The following FGD4 variants were observed in gnomAD, a reference collection of about 807,000 sequenced individuals.
FGD4 encodes the protein FYVE, RhoGEF and PH domain containing 4.
FGD4 carries 42 observed loss-of-function variants against 102.0 expected under a neutral mutation model. The ratio of observed to expected loss-of-function variants is 0.41; its 90% CI spans 0.32 to 0.53. The LOEUF (loss-of-function observed/expected upper bound fraction) is 0.53. Among genes scored for constraint, FGD4 ranks in the 20% least tolerant of loss-of-function variants. The pLI is 0.21. For missense variants in FGD4, 902 were observed against 1,078.2 expected (o/e 0.84, Z 2.29); for synonymous variants, 380 against 375.7 (o/e 1.01, Z -0.13).
intron 1 of FGD4, among the ~76,000 whole-genome samples, chr12:32,562,982 A>G (rs933316496): frequency 8.2e-5 from 12 of 145,606 alleles, no homozygotes; most frequent in Non-Finnish European, 1.7e-4. Flanking sequence ...ACATCCCAGT[A>G]GGGGCGGCCG....
rs17539848 is a variant in FGD4 at position 32,625,808 on chromosome 12, T to C, written c.2172+29T>C. 9.9e-6 allele frequency: 16 copies of C among 1,613,048 alleles called. No homozygotes were observed. The Admixed American group carries it at 2.7e-4, about 27-fold the overall frequency. ...AGTGAGATTTCTTGATCATTAAGGT[T>C]GCTAGTAACTATATAAGTGATGTAA... On this transcript the variant is annotated intron_variant, in intron 14 of 16. Transcript: ENST00000534526.
chr12:32,426,549 GTT>G (rs1166189369), intron 1 of FGD4, among the ~76,000 whole-genome samples: 1 of 151,966 alleles, frequency 6.6e-6, no homozygotes, highest in Admixed American at 6.6e-5. Flanking sequence ...TCTCTGCCAG[GTT>G]TTGGTGTCAG....
chr12:32,470,438 C>A (rs1943383784), intron 1 of FGD4, among the ~76,000 whole-genome samples: 1 of 150,468 alleles, frequency 6.6e-6, no homozygotes. Context: ...CTTCTGACTG[C>A]TTCGAAGTTT....
rs1468745272 is a variant in FGD4, at chr12:32,641,032, AAAC to A, written c.*502_*504del. 1 of 162,198 alleles carries A rather than the reference AAAC, an allele frequency of 6.2e-6. No homozygotes were observed. Among genetic ancestry groups the A allele is most frequent in the African/African-American group, 2.4e-5 (1 of 41,618 alleles). The allele number at this position is 162,198 out of a possible 1,614,324, so 10.0% of individuals were successfully genotyped here. On this transcript the variant is annotated 3_prime_UTR_variant, in exon 17 of 17. Coordinates refer to ENST00000534526, the MANE Select transcript of FGD4 (RefSeq NM_001370298.3). ...TGCATAAATGATGTCTGTTCTTTTA[AAAC>A]AAAAGAAAAAGGACAAATTGTTGGT...
chr12:32,636,849 G>C (rs1408271445), intron 15 of FGD4, among the ~76,000 whole-genome samples: 1 of 147,964 alleles, frequency 6.8e-6, no homozygotes, highest in East Asian at 2.0e-4. Context: ...AAATGGTTTT[G>C]TTCCTTTTTT....
chr12:32,443,789 C>G (rs951938713), intron 1 of FGD4, among the ~76,000 whole-genome samples: 1 of 148,680 alleles, frequency 6.7e-6, no homozygotes, highest in African/African-American at 2.5e-5. Flanking sequence ...AAAAAAAAAG[C>G]CAGAATGAAA....
intron 1 of FGD4, among the ~76,000 whole-genome samples, chr12:32,463,690 A>G (rs560778927): frequency 6.6e-6 from 1 of 152,286 alleles, no homozygotes; most frequent in African/African-American, 2.4e-5. Flanking sequence ...TTATTGGCAA[A>G]CCTGAGGTTG....
chr12:32,634,595 T>C (rs746371919), intron 15 of FGD4, among the ~76,000 whole-genome samples: 19 of 152,142 alleles, frequency 1.2e-4, no homozygotes, highest in Non-Finnish European at 1.9e-4. Flanking sequence ...AATAAGGCCT[T>C]TGTGGCAGTA....
At chr12:32,423,655 C>T (rs1013655171) in intron 1 of FGD4, among the ~76,000 whole-genome samples, 22 of 150,824 alleles carry the variant, frequency 1.5e-4, no homozygotes, top group African/African-American at 5.3e-4. Context: ...ACTCCATAGG[C>T]AGAGCAGCCC....
intron 10 of FGD4, 67 bp from the exon 11 acceptor site, chr12:32,619,631 C>T: frequency 6.5e-7 from 1 of 1,539,056 alleles, no homozygotes; most frequent in Middle Eastern, 1.7e-4. Flanking sequence ...GACTCTGTCT[C>T]AAAAAAAAAC....
intron 1 of FGD4, among the ~76,000 whole-genome samples, chr12:32,468,880 G>T (rs1197750139): frequency 6.6e-6 from 1 of 152,158 alleles, no homozygotes; most frequent in Non-Finnish European, 1.5e-5. Flanking sequence ...AGGCTGGAGT[G>T]CAATGGCACG....
chr12:32,619,940 G>T lies in FGD4; in HGVS notation c.1922+70G>T. The T allele has an allele frequency of 3.2e-6, 5 of 1,565,360 alleles. No individual in the cohort carries two copies. The South Asian group carries it at 5.6e-5, about 17-fold the overall frequency. On this transcript the variant is annotated intron_variant, in intron 11 of 16. Transcript: ENST00000534526. ...CAGAATGAATCATTAAAATAGAATG[G>T]CTCTGAGGGTTTTTCTCAAGTGAAT...
rs1941613128 is a variant in FGD4 at position 32,421,194 on chromosome 12, G to A, written c.166+21235G>A. 2.0e-5 allele frequency among the ~76,000 whole-genome samples: 3 copies of A among 152,206 alleles called. No individual in the cohort carries two copies. In the South Asian group the frequency reaches 6.2e-4, roughly 32 times the overall value. ...GGCTTTGCTATAGAGGAGATGGAATGCCAGATGTAACTCTTTCTGACCTGT... is the reference window on the plus strand; with the variant it reads ...GGCTTTGCTATAGAGGAGATGGAATACCAGATGTAACTCTTTCTGACCTGT... On this transcript the variant is annotated intron_variant, in intron 1 of 16. Transcript: ENST00000534526.
intron 1 of FGD4, among the ~76,000 whole-genome samples, chr12:32,424,276 G>A (rs1941753494): frequency 6.6e-6 from 1 of 151,064 alleles, no homozygotes; most frequent in Non-Finnish European, 1.5e-5. Context: ...GTGTCCATGT[G>A]TTCTCATTGT....
chr12:32,412,211 G>A (rs1489038458), intron 1 of FGD4, among the ~76,000 whole-genome samples: 1 of 152,162 alleles, frequency 6.6e-6, no homozygotes, highest in African/African-American at 2.4e-5. Context: ...CTTTGGAAAT[G>A]GAGTGATCCC....
At chr12:32,460,112 G>T (rs1943063467) in intron 1 of FGD4, among the ~76,000 whole-genome samples, 1 of 152,156 alleles carries the variant, frequency 6.6e-6, no homozygotes, top group African/African-American at 2.4e-5. Context: ...CTGTTATTAT[G>T]TATGAACTTT....
At chr12:32,592,988 T>C (rs1947604034) in intron 4 of FGD4, among the ~76,000 whole-genome samples, 1 of 152,196 alleles carries the variant, frequency 6.6e-6, no homozygotes. Flanking sequence ...TCTTGGGTTT[T>C]GTTGAAAGAA....
At position 32,422,288 on chromosome 12, in the gene FGD4, C is replaced by CTTTTTTTT. The variant is rs770560590; in HGVS notation, c.166+22350_166+22357dup. ...TTGAAGCATCTCAAATTGGGAGCTG[C>CTTTTTTTT]TTTTTTTTTTTTTTTTTTTTTTTTT... On this transcript the variant is annotated intron_variant, in intron 1 of 16. Transcript: ENST00000534526. 5.5e-3 allele frequency among the ~76,000 whole-genome samples: 300 copies of CTTTTTTTT among 54,172 alleles called. 59 individuals carry two copies. The highest frequency in any genetic ancestry group is 7.3e-3 in the Non-Finnish European group (222 of 30,242). 35.5% of individuals were successfully genotyped at this position (54,172 alleles called of 152,430 possible).
At chr12:32,415,536 C>T (rs1379402652) in intron 1 of FGD4, among the ~76,000 whole-genome samples, 1 of 151,406 alleles carries the variant, frequency 6.6e-6, no homozygotes, top group Non-Finnish European at 1.5e-5. Flanking sequence ...CATTCTCCTG[C>T]CTCAGCCTCC....
Sources: allele counts gnomAD v4.1 joint callset (sites outside exome capture counted in the v4.1 genomes callset), GRCh38; gene constraint gnomAD v4.1.1; transcripts MANE v1.5; gene names NCBI Gene and HGNC (gene_info 2026-07-23, HGNC 2026-07-21).